The following CTNND2 variants were observed in gnomAD, a reference collection of about 807,000 sequenced individuals.
CTNND2 encodes catenin delta 2.
A neutral mutation model predicts 144.4 loss-of-function variants in CTNND2; 22 were observed. The observed-to-expected ratio is 0.15, with a 90% CI of 0.11 to 0.22. The LOEUF is 0.22. CTNND2 is among the 10% of genes least tolerant of loss of function. CTNND2 has a pLI of 1.00. For synonymous variants in CTNND2, 751 were observed against 695.6 expected (o/e 1.08, Z -1.25); for missense variants, 1,353 against 1,618.8 (o/e 0.84, Z 2.82).
intron 8 of CTNND2, among the ~76,000 whole-genome samples, chr5:11,352,952 T>C (rs1755475270): frequency 6.6e-6 from 1 of 152,176 alleles, no homozygotes; most frequent in Admixed American, 6.5e-5. Flanking sequence ...CATATGTATG[T>C]ATTTATATCT....
At chr5:11,042,753 G>T (rs1168278230) in intron 16 of CTNND2, among the ~76,000 whole-genome samples, 2 of 152,286 alleles carry the variant, frequency 1.3e-5, no homozygotes, top group Admixed American at 1.3e-4. Flanking sequence ...GTACATCTAG[G>T]ATTTCCTCCA....
At chr5:11,443,188 T>G (rs1764433752) in intron 3 of CTNND2, among the ~76,000 whole-genome samples, 1 of 148,234 alleles carries the variant, frequency 6.7e-6, no homozygotes, top group Admixed American at 6.7e-5. Context: ...TGGTGTGTGG[T>G]GTGTGTGTGT....
At chr5:11,544,777 G>A (rs1268485395) in intron 3 of CTNND2, among the ~76,000 whole-genome samples, 16 of 152,108 alleles carry the variant, frequency 1.1e-4, no homozygotes. Context: ...GAGGTCAGGA[G>A]TTCAAGACCA....
At chr5:11,659,947 T>C (rs565428565) in intron 2 of CTNND2, among the ~76,000 whole-genome samples, 8 of 152,268 alleles carry the variant, frequency 5.3e-5, no homozygotes, top group Non-Finnish European at 1.2e-4. Flanking sequence ...TTGAAGAGAA[T>C]TGTAAACACT....
chr5:11,177,017 A>T (rs189527122), intron 11 of CTNND2, among the ~76,000 whole-genome samples: 4 of 152,334 alleles, frequency 2.6e-5, no homozygotes, highest in African/African-American at 9.6e-5. Flanking sequence ...TCTTAATAAG[A>T]GTAAGAGTAA....
chr5:11,162,593 C>A (rs1367056677), intron 11 of CTNND2, among the ~76,000 whole-genome samples: 1 of 152,144 alleles, frequency 6.6e-6, no homozygotes, highest in Non-Finnish European at 1.5e-5. Context: ...AACTGCAATG[C>A]ACAATGCTTC....
intron 3 of CTNND2, among the ~76,000 whole-genome samples, chr5:11,430,821 GA>G (rs1434073399): frequency 6.6e-6 from 1 of 152,206 alleles, no homozygotes; most frequent in Non-Finnish European, 1.5e-5. Context: ...TTAGTATATG[GA>G]AAATGCAATC....
chr5:11,654,354 C>T (rs1782803129), intron 2 of CTNND2, among the ~76,000 whole-genome samples: 1 of 152,072 alleles, frequency 6.6e-6, no homozygotes, highest in South Asian at 2.1e-4. Flanking sequence ...ACTAATTATT[C>T]CAATCCATGA....
intron 16 of CTNND2, among the ~76,000 whole-genome samples, chr5:11,045,916 A>G (rs1414546499): frequency 6.6e-6 from 1 of 151,886 alleles, no homozygotes; most frequent in African/African-American, 2.4e-5. Context: ...TCTTCCACTG[A>G]TAAGTTGGAG....
chr5:11,519,145 C>G (rs1026347981), intron 3 of CTNND2, among the ~76,000 whole-genome samples: 1 of 152,146 alleles, frequency 6.6e-6, no homozygotes, highest in Admixed American at 6.5e-5. Flanking sequence ...ACTAGTTCAT[C>G]TCAACATGCC....
At chr5:11,112,908 C>T (rs763969097) in intron 13 of CTNND2, among the ~76,000 whole-genome samples, 7 of 152,070 alleles carry the variant, frequency 4.6e-5, no homozygotes, top group African/African-American at 4.8e-5. Context: ...TTTGGGAGGC[C>T]GAGGTGGGTG....
At chr5:11,086,917 A>G (rs1245677229) in intron 15 of CTNND2, among the ~76,000 whole-genome samples, 1 of 152,208 alleles carries the variant, frequency 6.6e-6, no homozygotes, top group Middle Eastern at 3.2e-3. Flanking sequence ...AATTTGCTAA[A>G]TTACAATGAC....
chr5:11,763,867 G>T lies in CTNND2; in HGVS notation c.38-31595C>A, dbSNP rs76490235. On this transcript the variant is annotated intron_variant, in intron 1 of 21. Coordinates refer to ENST00000304623, the MANE Select transcript of CTNND2 (RefSeq NM_001332.4). ...AGACTTACTCATCCTGACATTGCATGAAATTTTATGGACTCCCAATCAAGG... is the reference window on the plus strand; with the variant it reads ...AGACTTACTCATCCTGACATTGCATTAAATTTTATGGACTCCCAATCAAGG... Among the ~76,000 whole-genome samples the T allele has an allele frequency of 8.4e-3, 1,281 of 152,138 alleles. 32 individuals carry two copies. Among genetic ancestry groups the T allele is most frequent in the African/African-American group, 0.029 (1,208 of 41,502 alleles).
At chr5:11,128,795 TTA>T (rs1463213516) in intron 12 of CTNND2, among the ~76,000 whole-genome samples, 13 of 61,520 alleles carry the variant, frequency 2.1e-4, no homozygotes, top group Middle Eastern at 0.011. Flanking sequence ...TAAATATATA[TTA>T]TATATATACA....
At chr5:11,216,113 A>C (rs1189457528) in intron 10 of CTNND2, among the ~76,000 whole-genome samples, 2 of 152,208 alleles carry the variant, frequency 1.3e-5, no homozygotes, top group African/African-American at 4.8e-5. Flanking sequence ...TCCACAGAGC[A>C]GGATGTAATG....
At chr5:11,619,341 G>T (rs777964643) in intron 2 of CTNND2, among the ~76,000 whole-genome samples, 13 of 152,200 alleles carry the variant, frequency 8.5e-5, no homozygotes, top group Non-Finnish European at 1.9e-4. Flanking sequence ...CCGGCAGGCA[G>T]AGGTTGCATT....
At chr5:11,089,250 G>A (rs1246086914) in intron 15 of CTNND2, among the ~76,000 whole-genome samples, 1 of 148,496 alleles carries the variant, frequency 6.7e-6, no homozygotes, top group African/African-American at 2.6e-5. Flanking sequence ...ATAGCAGTTA[G>A]CACTCTCCTA....
At chr5:11,321,938 G>T (rs145597916) in intron 9 of CTNND2, among the ~76,000 whole-genome samples, 1 of 152,152 alleles carries the variant, frequency 6.6e-6, no homozygotes, top group Non-Finnish European at 1.5e-5. Flanking sequence ...AATACATCTG[G>T]TTATGTTACC....
intron 1 of CTNND2, among the ~76,000 whole-genome samples, chr5:11,742,695 A>G (rs1274206252): frequency 3.9e-5 from 6 of 152,290 alleles, no homozygotes; most frequent in Admixed American, 3.3e-4. Flanking sequence ...TGTAAATATG[A>G]GCTACTGAAT....
Sources: allele counts gnomAD v4.1 joint callset (sites outside exome capture counted in the v4.1 genomes callset), GRCh38; gene constraint gnomAD v4.1.1; transcripts MANE v1.5; gene names NCBI Gene and HGNC (gene_info 2026-07-23, HGNC 2026-07-21).